Variants in UGT1A8 observed in about 807,000 individuals in gnomAD.
UGT1A8 encodes UDP glucuronosyltransferase family 1 member A8.
Under a neutral mutation model 45.3 loss-of-function variants are expected in UGT1A8, and 39 were observed. The ratio of observed to expected loss-of-function variants is 0.86; its 90% CI spans 0.67 to 1.12. The LOEUF (loss-of-function observed/expected upper bound fraction) is 1.12, where lower values mean the gene tolerates loss of function less well. Ranked by LOEUF, UGT1A8 falls within the 50% of genes most tolerant of loss-of-function variation. The pLI, the probability that UGT1A8 is intolerant of heterozygous loss-of-function variation, is 0.00. For synonymous variants in UGT1A8, 275 were observed against 249.2 expected (o/e 1.10, Z -0.97); for missense variants, 719 against 664.9 (o/e 1.08, Z -0.90).
At chr2:233,712,807 G>A (rs181271585) in intron 1 of UGT1A8, among the ~76,000 whole-genome samples, 194 of 152,338 alleles carry the variant, frequency 1.3e-3, no homozygotes, top group African/African-American at 4.6e-3. Context: ...TCTTTCCCAG[G>A]GTGGGGCCCA....
rs1205477836 is a variant in UGT1A8 at position 233,760,858 on chromosome 2, TC to T, written c.856-6174del. 2.5e-6 allele frequency: 4 copies of T among 1,613,972 alleles called. No homozygotes were observed. In the African/African-American group the frequency reaches 4.0e-5, roughly 16 times the overall value. On this transcript the variant is annotated intron_variant, in intron 1 of 4. Transcript: ENST00000373450. ...GGCTACCCAGTGCCCCAACCCATTC[TC>T]CTACGTGCCCAGGCCTCTCTCCTCT... is the stretch of plus-strand genomic sequence containing the variant.
chr2:233,769,913 C>T lies in UGT1A8; in HGVS notation c.1295+1474C>T, dbSNP rs1699980310. 1.3e-5 allele frequency: 4 copies of T among 297,694 alleles called. No homozygotes were observed. The highest frequency in any genetic ancestry group is 6.9e-5 in the East Asian group (1 of 14,586). 18.4% of individuals were successfully genotyped at this position (297,694 alleles called of 1,614,324 possible). ...TAACCTGAGCATCATGTGCCCAGAG[C>T]GTTGGGTGGTGTGGTCCCATTCCTT... On this transcript the variant is annotated intron_variant, in intron 4 of 4. Transcript: ENST00000373450. The surrounding 1 kb of genome is among the most constrained non-coding windows in gnomAD (Gnocchi z 4.4).
intron 1 of UGT1A8, among the ~76,000 whole-genome samples, chr2:233,734,101 T>TATAATA (rs549143261): frequency 6.3e-4 from 96 of 151,394 alleles, no homozygotes; most frequent in African/African-American, 1.8e-3. Flanking sequence ...AAACTTAAAG[T>TATAATA]ATAATAATAA....
chr2:233,619,360 T>C (rs2072958652), intron 1 of UGT1A8, among the ~76,000 whole-genome samples: 1 of 152,146 alleles, frequency 6.6e-6, no homozygotes, highest in Non-Finnish European at 1.5e-5. Context: ...TTTAGGCATT[T>C]TCCATTTTTG....
chr2:233,682,890 T>C (rs911018992), intron 1 of UGT1A8: 6 of 1,508,230 alleles, frequency 4.0e-6, no homozygotes, highest in Non-Finnish European at 3.5e-6. Context: ...TTTGTCCCAT[T>C]TGGAATTTCT....
intron 1 of UGT1A8, among the ~76,000 whole-genome samples, chr2:233,720,939 G>T (rs28899186): frequency 0.081 from 11,996 of 147,890 alleles, 613 homozygotes; most frequent in East Asian, 0.2. Context: ...TTGAACTCCT[G>T]ACCTCATGTG....
Position 233,768,355 on chromosome 2 carries a change from A to AG in UGT1A8, c.1214dup (p.Ala406SerfsTer13), listed in dbSNP as rs758192306. 7.4e-6 allele frequency: 12 copies of AG among 1,614,082 alleles called. No individual in the cohort carries two copies. Among genetic ancestry groups the AG allele is most frequent in the Non-Finnish European group, 1.0e-5 (12 of 1,180,036 alleles). On this transcript the variant is annotated frameshift_variant, in exon 4 of 5. Transcript: ENST00000373450. LOFTEE classifies it high-confidence loss of function. The stretch of plus-strand genomic sequence containing the variant: ...GACAATGCAAAGCGCATGGAGACTA[A>AG]GGGAGCTGGAGTGACCCTGAATGTT...
rs1699786143 is a variant in UGT1A8 at position 233,769,071 on chromosome 2, C to T, written c.1295+632C>T. Among the ~76,000 whole-genome samples, 1 of 152,122 alleles carries T rather than the reference C, an allele frequency of 6.6e-6. No homozygotes were observed. The highest frequency in any genetic ancestry group is 2.1e-4 in the South Asian group (1 of 4,832). On this transcript the variant is annotated intron_variant, in intron 4 of 4. Transcript: ENST00000373450. The surrounding 1 kb of genome is among the most constrained non-coding windows in gnomAD (Gnocchi z 4.4). ...TAAGTTTCCTGCACAGAAAGAAATA[C>T]TCCATTATAAGAAGCATAGTATCTT...
chr2:233,744,019 G>T, intron 1 of UGT1A8: 1 of 997,712 alleles, frequency 1.0e-6, no homozygotes. Flanking sequence ...GCCGCCTGGA[G>T]AGACGCCCCT....
At chr2:233,681,939 T>C (rs1160422234) in intron 1 of UGT1A8, 3 of 1,612,020 alleles carry the variant, frequency 1.9e-6, no homozygotes, top group Non-Finnish European at 2.5e-6. Context: ...AGTTCTCTGA[T>C]GGCTCGTGCA....
At chr2:233,704,993 G>A (rs973779449) in intron 1 of UGT1A8, among the ~76,000 whole-genome samples, 41 of 152,048 alleles carry the variant, frequency 2.7e-4, no homozygotes, top group Admixed American at 5.2e-4. Flanking sequence ...GAAATTAGCC[G>A]GGTATGGTGG....
chr2:233,768,127 A>G, intron 3 of UGT1A8, 93 bp from the exon 4 acceptor site: 1 of 1,605,192 alleles, frequency 6.2e-7, no homozygotes, highest in Admixed American at 1.7e-5. Flanking sequence ...TGTGAGTAAC[A>G]CTGAGTCTTT....
chr2:233,767,823 C>T (rs763238770), intron 2 of UGT1A8, 26 bp from the exon 3 acceptor site: 36 of 1,614,026 alleles, frequency 2.2e-5, no homozygotes, highest in Non-Finnish European at 2.7e-5. Context: ...TCTTTCTTTA[C>T]GTTCTGCTCT....
intron 1 of UGT1A8, chr2:233,681,811 A>C: frequency 6.7e-7 from 1 of 1,488,258 alleles, no homozygotes; most frequent in Non-Finnish European, 8.9e-7. Context: ...GTGAATGTGA[A>C]TTTTTTTTTA....
At chr2:233,619,009 G>T (rs2072951982) in intron 1 of UGT1A8, among the ~76,000 whole-genome samples, 1 of 151,960 alleles carries the variant, frequency 6.6e-6, no homozygotes, top group African/African-American at 2.4e-5. Context: ...GTTTAGAAAA[G>T]TACCAAAAAC....
chr2:233,628,243 T>C (rs888380719), intron 1 of UGT1A8, among the ~76,000 whole-genome samples: 8 of 152,146 alleles, frequency 5.3e-5, no homozygotes, highest in African/African-American at 1.9e-4. Context: ...AATAACATGG[T>C]ATCTGCACAT....
chr2:233,713,030 C>T, intron 1 of UGT1A8: 1 of 1,613,910 alleles, frequency 6.2e-7, no homozygotes, highest in Non-Finnish European at 8.5e-7. Context: ...CGCAGCTGGC[C>T]ACAGGACTGC....
At chr2:233,761,197 G>C in intron 1 of UGT1A8, 1 of 1,614,114 alleles carries the variant, frequency 6.2e-7, no homozygotes, top group Non-Finnish European at 8.5e-7. Context: ...TCTTTCAGAT[G>C]TATTACTTTG....
At chr2:233,684,703 G>A (rs1041590972) in intron 1 of UGT1A8, among the ~76,000 whole-genome samples, 1 of 151,968 alleles carries the variant, frequency 6.6e-6, no homozygotes, top group Admixed American at 6.6e-5. Flanking sequence ...GGAAGGTTAT[G>A]TATTAATGTA....
Sources: gnomAD v4.1 joint callset for allele counts (sites outside exome capture counted in the v4.1 genomes callset) on GRCh38, gnomAD v4.1.1 for gene constraint, Gnocchi (gnomAD v3.1) non-coding constraint, MANE v1.5 for transcripts, NCBI Gene and HGNC (gene_info 2026-07-23, HGNC 2026-07-21) for gene names.